NCK2: variants seen among roughly 807,000 people sequenced by gnomAD.
The protein encoded by NCK2 is NCK adaptor protein 2.
Under a neutral mutation model 33.9 loss-of-function variants are expected in NCK2, and 16 were observed. The observed-to-expected ratio is 0.47, with a 90% CI of 0.32 to 0.72. NCK2 has a LOEUF of 0.72. Ranked by LOEUF, NCK2 falls within the 30% of genes least tolerant of loss-of-function variation. The pLI is 0.03. For synonymous variants in NCK2, 273 were observed against 239.9 expected (o/e 1.14, Z -1.27); for missense variants, 418 against 537.3 (o/e 0.78, Z 2.19).
At position 105,819,507 on chromosome 2, in the gene NCK2, ACTT is replaced by A; in HGVS notation, c.-17+2898_-17+2900del. Among the ~76,000 whole-genome samples, 3 of 152,236 alleles carry A rather than the reference ACTT, an allele frequency of 2.0e-5. No individual in the cohort carries two copies. The South Asian group carries it at 6.2e-4, about 32-fold the overall frequency. ...TTTATTAGCATCAGAGTCTGTCACT[ACTT>A]CTTTAGAAAGGTCTTGATCGTCAGT... On this transcript the variant is annotated intron_variant, in intron 2 of 4. Coordinates refer to ENST00000233154, the MANE Select transcript of NCK2 (RefSeq NM_003581.5).
chr2:105,757,222 C>A (rs746754605), intron 1 of NCK2, among the ~76,000 whole-genome samples: 2 of 152,140 alleles, frequency 1.3e-5, no homozygotes, highest in African/African-American at 4.8e-5. Flanking sequence ...AATTGCATAG[C>A]GAAGTTTTAA....
chr2:105,871,524 C>A (rs1435762509), intron 3 of NCK2, among the ~76,000 whole-genome samples: 1 of 151,552 alleles, frequency 6.6e-6, no homozygotes, highest in African/African-American at 2.4e-5. Context: ...GAGACAGAGT[C>A]TCCCTCTGTC....
chr2:105,841,903 G>A (rs1676662739), intron 2 of NCK2, among the ~76,000 whole-genome samples: 1 of 152,206 alleles, frequency 6.6e-6, no homozygotes, highest in African/African-American at 2.4e-5. Context: ...TCAGAGAGGG[G>A]AAGGGAGCTC....
intron 1 of NCK2, among the ~76,000 whole-genome samples, chr2:105,772,321 T>C (rs771710354): frequency 1.3e-5 from 2 of 152,124 alleles, no homozygotes; most frequent in Non-Finnish European, 2.9e-5. Context: ...CCCCATGGAA[T>C]AAACAGCACT....
chr2:105,769,111 C>T (rs1690042524), intron 1 of NCK2, among the ~76,000 whole-genome samples: 1 of 152,192 alleles, frequency 6.6e-6, no homozygotes, highest in African/African-American at 2.4e-5. Context: ...TTAGCATAAG[C>T]TCAGGTGTGG....
chr2:105,874,892 C>T (rs942703443), intron 3 of NCK2, among the ~76,000 whole-genome samples: 15 of 152,148 alleles, frequency 9.9e-5, no homozygotes, highest in African/African-American at 2.7e-4. Context: ...AACTTGTGAT[C>T]AGAGATCCAG....
rs547473255 is a variant in NCK2 at position 105,819,598 on chromosome 2, T to C, written c.-17+2985T>C. Among the ~76,000 whole-genome samples, 3 of 152,294 alleles carry C rather than the reference T, an allele frequency of 2.0e-5. No homozygotes were observed. In the South Asian group the frequency reaches 6.2e-4, roughly 32 times the overall value. ...GAGAAGGTGGTGAGGCAGGGGAGTG[T>C]GGCATGCTCACCCAGCAGCTCAGTC... On this transcript the variant is annotated intron_variant, in intron 2 of 4. Coordinates refer to ENST00000233154, the MANE Select transcript of NCK2 (RefSeq NM_003581.5).
chr2:105,779,182 C>T (rs1169927886), intron 1 of NCK2, among the ~76,000 whole-genome samples: 1 of 151,688 alleles, frequency 6.6e-6, no homozygotes, highest in African/African-American at 2.4e-5. Context: ...TGGCACATGC[C>T]TGTAGTCCTA....
chr2:105,817,806 T>C (rs1234350695), intron 2 of NCK2, among the ~76,000 whole-genome samples: 2 of 152,004 alleles, frequency 1.3e-5, no homozygotes, highest in Admixed American at 6.6e-5. Flanking sequence ...TGTGGAGAAA[T>C]AGGAACACTT....
intron 4 of NCK2, among the ~76,000 whole-genome samples, chr2:105,883,030 C>T (rs1387944345): frequency 1.4e-5 from 2 of 141,800 alleles, no homozygotes; most frequent in African/African-American, 5.3e-5. Context: ...GCATTCAAAG[C>T]CCTCCAGAGA....
chr2:105,860,706 C>T (rs1311045136), intron 3 of NCK2, among the ~76,000 whole-genome samples: 1 of 151,880 alleles, frequency 6.6e-6, no homozygotes, highest in African/African-American at 2.4e-5. Context: ...ACGTGGAAAG[C>T]TCAGAGAGGA....
intron 1 of NCK2, among the ~76,000 whole-genome samples, chr2:105,811,321 AGGCATTTGGT>A (rs1051587983): frequency 6.6e-6 from 1 of 152,154 alleles, no homozygotes; most frequent in African/African-American, 2.4e-5. Context: ...GGGAACAGAG[AGGCATTTGGT>A]GGCCAAGTTA....
At chr2:105,871,364 C>T (rs186937123) in intron 3 of NCK2, among the ~76,000 whole-genome samples, 3 of 152,082 alleles carry the variant, frequency 2.0e-5, no homozygotes, top group South Asian at 2.1e-4. Flanking sequence ...CAAGGTGCTC[C>T]GCACGCTTTG....
At chr2:105,786,544 T>TC (rs1476201516) in intron 1 of NCK2, among the ~76,000 whole-genome samples, 1 of 152,206 alleles carries the variant, frequency 6.6e-6, no homozygotes, top group African/African-American at 2.4e-5. Context: ...CTCAGACTCA[T>TC]CCACACCTTT....
chr2:105,766,074 T>C (rs1375396468), intron 1 of NCK2, among the ~76,000 whole-genome samples: 1 of 152,064 alleles, frequency 6.6e-6, no homozygotes, highest in Non-Finnish European at 1.5e-5. Context: ...ATTGCTACCA[T>C]GGATAGTAGA....
intron 1 of NCK2, among the ~76,000 whole-genome samples, chr2:105,793,014 C>A (rs1690946708): frequency 6.6e-6 from 1 of 152,106 alleles, no homozygotes; most frequent in Admixed American, 6.6e-5. Flanking sequence ...GGGATTCTTT[C>A]CTGTCCTGTG....
At chr2:105,855,399 A>G (rs1355410408) in intron 3 of NCK2, 110 bp downstream of exon 3, 1 of 775,514 alleles carries the variant, frequency 1.3e-6, no homozygotes, top group Non-Finnish European at 2.0e-6. Context: ...TTAAAAGTTA[A>G]TATCTTCCTA....
intron 1 of NCK2, among the ~76,000 whole-genome samples, chr2:105,761,091 A>G (rs1320007479): frequency 6.6e-6 from 1 of 152,118 alleles, no homozygotes; most frequent in African/African-American, 2.4e-5. Flanking sequence ...TTCTCCTCTC[A>G]TAGATGGGGG....
intron 4 of NCK2, among the ~76,000 whole-genome samples, chr2:105,883,155 A>C (rs936667492): frequency 5.3e-5 from 8 of 152,212 alleles, no homozygotes; most frequent in Non-Finnish European, 1.2e-4. Flanking sequence ...CGGGAATGCC[A>C]GGCTGAAAGC....
Sources: allele counts gnomAD v4.1 joint callset (sites outside exome capture counted in the v4.1 genomes callset), GRCh38; gene constraint gnomAD v4.1.1; transcripts MANE v1.5; gene names NCBI Gene and HGNC (gene_info 2026-07-23, HGNC 2026-07-21).